STRBP: variants seen among roughly 807,000 people sequenced by gnomAD.
The protein encoded by STRBP is spermatid perinuclear RNA-binding protein.
A neutral mutation model predicts 80.1 loss-of-function variants in STRBP; 13 were observed. That is an observed-to-expected ratio of 0.16 (90% CI 0.11 to 0.26). The LOEUF (loss-of-function observed/expected upper bound fraction) is 0.26. Ranked by LOEUF, STRBP falls within the 10% of genes least tolerant of loss-of-function variation. STRBP has a pLI of 1.00. For missense variants in STRBP, 485 were observed against 815.2 expected (o/e 0.59, Z 4.93); for synonymous variants, 284 against 291.2 (o/e 0.98, Z 0.25).
At position 123,128,257 on chromosome 9, in the gene STRBP, G is replaced by A. The variant is rs763278833; in HGVS notation, c.1899C>T (p.Gly633=). 2.5e-5 allele frequency: 41 copies of A among 1,614,022 alleles called. No individual in the cohort carries two copies. In the Admixed American group the frequency reaches 6.7e-4, roughly 26 times the overall value. The change falls in exon 18 of 19, where the codon GGC becomes GGT. Residue 633 remains glycine (G), a splice_region_variant and synonymous_variant. Transcript: ENST00000348403. ...TGCTGTAACCATATGGTGTTCCATAGCCTAGTGCAAAGAAGAAGAAGGCAG... is the reference window on the plus strand; with the variant it reads ...TGCTGTAACCATATGGTGTTCCATAACCTAGTGCAAAGAAGAAGAAGGCAG... ...ATAAPGYIAP[G]YGTPYGYSTA...
chr9:123,122,946 C>T lies in STRBP; in HGVS notation c.*2651G>A. On this transcript the variant is annotated 3_prime_UTR_variant, in exon 19 of 19. Coordinates refer to ENST00000348403, the MANE Select transcript of STRBP (RefSeq NM_018387.5). The stretch of plus-strand genomic sequence containing the variant: ...GGTTTCCAAAGGAAAAGTTTTAAAA[C>T]AGACACCGTGGCTTTGAACAAAGTA... The T allele has an allele frequency of 3.0e-6, 3 of 985,470 alleles. No individual in the cohort carries two copies. The highest frequency in any genetic ancestry group is 3.6e-6 in the Non-Finnish European group (3 of 829,950). 61.0% of individuals were successfully genotyped at this position (985,470 alleles called of 1,614,324 possible).
intron 2 of STRBP, among the ~76,000 whole-genome samples, chr9:123,207,543 G>GT (rs1489982464): frequency 6.6e-6 from 1 of 152,004 alleles, no homozygotes; most frequent in Admixed American, 6.6e-5. Flanking sequence ...CAGGAGAGTG[G>GT]TTACCTTTGG....
chr9:123,197,478 T>C (rs2039135669), intron 2 of STRBP, among the ~76,000 whole-genome samples: 1 of 152,090 alleles, frequency 6.6e-6, no homozygotes, highest in African/African-American at 2.4e-5. Context: ...ATGTGTAGTT[T>C]TTTGTTAATC....
intron 2 of STRBP, among the ~76,000 whole-genome samples, chr9:123,215,949 C>T (rs1055094223): frequency 6.6e-6 from 1 of 152,158 alleles, no homozygotes; most frequent in African/African-American, 2.4e-5. Context: ...AGAAAGATTT[C>T]GGACATCTCA....
intron 2 of STRBP, among the ~76,000 whole-genome samples, chr9:123,195,085 G>T (rs577660254): frequency 2.0e-5 from 3 of 152,128 alleles, no homozygotes; most frequent in Non-Finnish European, 4.4e-5. Context: ...CCACTTGGAT[G>T]TTTAATAAGC....
chr9:123,160,462 C>A lies in STRBP; in HGVS notation c.628G>T (p.Ala210Ser). 4 of 1,584,018 alleles carry A rather than the reference C, an allele frequency of 2.5e-6. No individual in the cohort carries two copies. The highest frequency in any genetic ancestry group is 3.4e-6 in the Non-Finnish European group (4 of 1,160,032). ...CATGATTTTAATCCATTTGCCCTTGCCTAAAACAAACAAAATGATTCCAGA... is the reference window on the plus strand; with the variant it reads ...CATGATTTTAATCCATTTGCCCTTGACTAAAACAAACAAAATGATTCCAGA... ...ASLRHAKWFQ[A>S]RANGLKSCVI... The change falls in exon 8 of 19, where the codon GCA (alanine) becomes TCA (serine). Residue 210 changes from alanine (A) to serine (S), a missense_variant and splice_region_variant. Transcript: ENST00000348403.
At chr9:123,204,188 C>T (rs4545167) in intron 2 of STRBP, among the ~76,000 whole-genome samples, 16,610 of 152,178 alleles carry the variant, frequency 0.11, 2,943 homozygotes, top group African/African-American at 0.37. Context: ...GGATCACATT[C>T]AATGCTCACA....
intron 2 of STRBP, among the ~76,000 whole-genome samples, chr9:123,232,803 G>GC: frequency 6.6e-6 from 1 of 152,284 alleles, no homozygotes; most frequent in South Asian, 2.1e-4. Flanking sequence ...CCTTCCCAAA[G>GC]CCCCACTGAA....
chr9:123,266,360 G>T (rs1282026109), intron 1 of STRBP, among the ~76,000 whole-genome samples: 2 of 151,968 alleles, frequency 1.3e-5, no homozygotes, highest in African/African-American at 4.8e-5. Flanking sequence ...CTGACCCTAG[G>T]AGTATGAACT....
At chr9:123,147,689 A>C (rs559049978) in intron 12 of STRBP, 89 bp downstream of exon 12, 31 of 1,119,354 alleles carry the variant, frequency 2.8e-5, no homozygotes, top group African/African-American at 1.4e-4. Flanking sequence ...AAAAAAAAAA[A>C]AAAAAAAAAA....
intron 4 of STRBP, among the ~76,000 whole-genome samples, chr9:123,177,238 T>A (rs991086949): frequency 2.0e-5 from 3 of 152,100 alleles, no homozygotes; most frequent in African/African-American, 7.2e-5. Context: ...ACGGAAAGAC[T>A]GTACATAGAC....
chr9:123,240,836 G>A lies in STRBP; in HGVS notation c.-301-3870C>T, dbSNP rs550010721. 7.9e-5 allele frequency among the ~76,000 whole-genome samples: 12 copies of A among 152,126 alleles called. No homozygotes were observed. The East Asian group carries it at 2.3e-3, about 29-fold the overall frequency. ...CACTATATCAACAATCCTGACCTCC[G>A]CCTGGACTCCAAACTTGTATATCCA... On this transcript the variant is annotated intron_variant, in intron 1 of 18. Transcript: ENST00000348403.
In STRBP at chr9:123,158,538, A is replaced by C. The variant is rs550384813; in HGVS notation, c.836-109T>G. 114 of 824,582 alleles carry C rather than the reference A, an allele frequency of 1.4e-4. No individual in the cohort carries two copies. In the East Asian group the frequency reaches 1.5e-3, roughly 11 times the overall value. 51.1% of individuals were successfully genotyped at this position (824,582 alleles called of 1,614,324 possible). ...GAATGAAGAGAAAATGAAAAAAAAA[A>C]CTGAGGAACTAAGTTAAAAGTCTGC... On this transcript the variant is annotated intron_variant, in intron 9 of 18. Coordinates refer to ENST00000348403, the MANE Select transcript of STRBP (RefSeq NM_018387.5).
intron 11 of STRBP, 35 bp from the exon 12 acceptor site, chr9:123,147,905 A>G: frequency 6.4e-7 from 1 of 1,560,786 alleles, no homozygotes. Context: ...TTATCAGTCA[A>G]AACAACAATC....
At chr9:123,156,516 T>A (rs918208853) in intron 11 of STRBP, among the ~76,000 whole-genome samples, 1 of 152,116 alleles carries the variant, frequency 6.6e-6, no homozygotes, top group Admixed American at 6.5e-5. Context: ...TTGTGGGTAA[T>A]ATCTGTCAAT....
chr9:123,251,254 G>A (rs1050379323), intron 1 of STRBP, among the ~76,000 whole-genome samples: 8 of 151,364 alleles, frequency 5.3e-5, no homozygotes, highest in Non-Finnish European at 1.2e-4. Context: ...GAAGGAGAAG[G>A]AGAAGAAAAA....
intron 6 of STRBP, chr9:123,168,229 T>G: frequency 1.0e-6 from 1 of 983,842 alleles, no homozygotes; most frequent in Non-Finnish European, 1.2e-6. Context: ...AATCATTTTA[T>G]AGTTCTACAG....
At chr9:123,191,332 G>T (rs1204295088) in intron 2 of STRBP, among the ~76,000 whole-genome samples, 2 of 152,026 alleles carry the variant, frequency 1.3e-5, no homozygotes, top group African/African-American at 4.8e-5. Context: ...TAAAGCAGTG[G>T]TCCTAAGGAA....
At chr9:123,227,909 C>G (rs2040289824) in intron 2 of STRBP, among the ~76,000 whole-genome samples, 1 of 152,192 alleles carries the variant, frequency 6.6e-6, no homozygotes, top group Non-Finnish European at 1.5e-5. Flanking sequence ...TTGAGCTAGA[C>G]TGTTGGAGGT....
Sources: allele counts gnomAD v4.1 joint callset (sites outside exome capture counted in the v4.1 genomes callset), GRCh38; gene constraint gnomAD v4.1.1; transcripts MANE v1.5; gene names NCBI Gene and HGNC (gene_info 2026-07-23, HGNC 2026-07-21).